Variants in NT5DC3 observed in about 807,000 individuals in gnomAD.
NT5DC3 encodes the protein 5'-nucleotidase domain-containing protein 3.
Under a neutral mutation model 67.8 loss-of-function variants are expected in NT5DC3, and 42 were observed. The ratio of observed to expected loss-of-function variants is 0.62; its 90% CI spans 0.48 to 0.80. The LOEUF is 0.80. Ranked by LOEUF, NT5DC3 falls within the 30% of genes least tolerant of loss-of-function variation. The pLI, the probability that NT5DC3 is intolerant of heterozygous loss-of-function variation, is 0.00. For missense variants in NT5DC3, 570 were observed against 696.4 expected (o/e 0.82, Z 2.04); for synonymous variants, 237 against 255.6 (o/e 0.93, Z 0.69).
At chr12:103,793,737 G>A (rs1399023062) in intron 7 of NT5DC3, among the ~76,000 whole-genome samples, 200 bp downstream of exon 7, 2 of 152,188 alleles carry the variant, frequency 1.3e-5, no homozygotes, top group African/African-American at 4.8e-5. Flanking sequence ...GGCTATAGCT[G>A]CCAGTGCCTC....
chr12:103,819,353 C>T (rs1477492863), intron 1 of NT5DC3, among the ~76,000 whole-genome samples: 1 of 152,252 alleles, frequency 6.6e-6, no homozygotes, highest in African/African-American at 2.4e-5. Flanking sequence ...AAAACAGAAA[C>T]AGTCTGGCTA....
At chr12:103,763,208 G>A in the NT5DC3 span, 5 of 334,712 alleles carry the variant, frequency 1.5e-5, no homozygotes, top group African/African-American at 1.1e-4. Context: ...ACCCTGGGTG[G>A]CAGGCACCAG....
the NT5DC3 span, chr12:103,761,262 G>C: frequency 1.3e-6 from 2 of 1,591,392 alleles, no homozygotes; most frequent in Non-Finnish European, 1.7e-6. Context: ...TGCCCACTCG[G>C]AGAGTAAAAG....
At chr12:103,823,779 T>C (rs1887581218) in intron 1 of NT5DC3, among the ~76,000 whole-genome samples, 1 of 152,242 alleles carries the variant, frequency 6.6e-6, no homozygotes, top group Non-Finnish European at 1.5e-5. Flanking sequence ...GTTTCTACAC[T>C]GAGGCAGTAT....
chr12:103,785,751 T>TAAAAAAAAAA, intron 11 of NT5DC3: 1 of 363,510 alleles, frequency 2.8e-6, no homozygotes, highest in Non-Finnish European at 5.1e-6. Context: ...CCATGGTCTG[T>TAAAAAAAAAA]AAAAAAAAAA....
At chr12:103,769,273 C>T (rs1687276385), downstream of NT5DC3, among the ~76,000 whole-genome samples, 1 of 152,218 alleles carries the variant, frequency 6.6e-6, no homozygotes, top group African/African-American at 2.4e-5. Context: ...GTTCCTGAAA[C>T]TCCTGGGGCA....
chr12:103,785,808 C>A (rs1885747556), intron 11 of NT5DC3: 3 of 466,518 alleles, frequency 6.4e-6, no homozygotes, highest in African/African-American at 4.2e-5. Flanking sequence ...AGGGGCTTGA[C>A]CTAAATGCTA....
chr12:103,840,939 CCTCA>C lies in NT5DC3; in HGVS notation c.208+6_208+9del, dbSNP rs1173364771. 7.4e-7 allele frequency: 1 copy of C among 1,353,084 alleles called. No individual in the cohort carries two copies. Among genetic ancestry groups the C allele is most frequent in the South Asian group, 1.8e-5 (1 of 55,118 alleles). The allele number at this position is 1,353,084 out of a possible 1,614,324, so 83.8% of individuals were successfully genotyped here. ...CCCAGGCGCCGGGGCGGGGTCGCCG[CCTCA>C]CTCACCTTCTGTGCTTCTCTTCGCC... On this transcript the variant is annotated splice_donor_region_variant and intron_variant, in intron 1 of 13. Transcript: ENST00000392876.
chr12:103,752,823 T>C, the NT5DC3 span, among the ~76,000 whole-genome samples: 1 of 152,104 alleles, frequency 6.6e-6, no homozygotes, highest in Non-Finnish European at 1.5e-5. Flanking sequence ...TTAGAGTATA[T>C]ATAACATGAA....
At chr12:103,765,477 A>G (rs1206848353), downstream of NT5DC3, among the ~76,000 whole-genome samples, 4 of 152,202 alleles carry the variant, frequency 2.6e-5, no homozygotes. Context: ...ACCCATGAAA[A>G]GCCATTTCTA....
chr12:103,790,853 C>T (rs1384678473), intron 9 of NT5DC3, among the ~76,000 whole-genome samples: 2 of 151,704 alleles, frequency 1.3e-5, no homozygotes, highest in Non-Finnish European at 2.9e-5. Context: ...CCATGCCGGG[C>T]TAATTTTTTG....
the NT5DC3 span, chr12:103,761,453 G>A: frequency 2.2e-5 from 35 of 1,556,904 alleles, no homozygotes; most frequent in African/African-American, 9.5e-5. Context: ...GAGGAGCCCC[G>A]GTGCCCACTC....
intron 1 of NT5DC3, among the ~76,000 whole-genome samples, chr12:103,840,443 C>CTCCTT (rs1888361005): frequency 9.5e-6 from 1 of 104,752 alleles, no homozygotes. Flanking sequence ...TCCATCCCAT[C>CTCCTT]CCATCCCATC....
chr12:103,750,380 A>G, the NT5DC3 span, among the ~76,000 whole-genome samples: 1 of 152,344 alleles, frequency 6.6e-6, no homozygotes, highest in South Asian at 2.1e-4. Flanking sequence ...TCACATTTGA[A>G]CTGAGATGTA....
chr12:103,759,196 C>T, the NT5DC3 span: 1 of 1,614,174 alleles, frequency 6.2e-7, no homozygotes, highest in African/African-American at 1.3e-5. Flanking sequence ...CTACAATGAC[C>T]TTGTCAATGG....
intron 10 of NT5DC3, 38 bp downstream of exon 10, chr12:103,788,800 A>G (rs372868304): frequency 5.8e-6 from 8 of 1,376,468 alleles, no homozygotes; most frequent in Non-Finnish European, 8.3e-6. Context: ...CCGACCACAA[A>G]GCAAAGCAAC....
downstream of NT5DC3, among the ~76,000 whole-genome samples, chr12:103,768,107 A>T (rs959544554): frequency 3.6e-4 from 54 of 149,452 alleles, no homozygotes; most frequent in Non-Finnish European, 5.9e-4. Flanking sequence ...AAAAAAAAAA[A>T]AATTTAACAC....
rs1885390415 is a variant in NT5DC3, at chr12:103,777,794, C to T, written c.*35G>A. The T allele has an allele frequency of 6.3e-7, 1 of 1,583,796 alleles. No individual in the cohort carries two copies. The highest frequency in any genetic ancestry group is 1.8e-5 in the Admixed American group (1 of 55,928). On this transcript the variant is annotated 3_prime_UTR_variant, in exon 14 of 14. Transcript: ENST00000392876. ...GTCAACCCCATCATGCCTGCCCAAT[C>T]AGGGGCAGTTACAGTTTCTAGTTTT...
the NT5DC3 span, chr12:103,761,358 A>G: frequency 3.7e-6 from 6 of 1,613,888 alleles, no homozygotes; most frequent in East Asian, 2.2e-5. Flanking sequence ...TTTGCCTCCA[A>G]TGGGATCATT....
Sources: allele counts gnomAD v4.1 joint callset (sites outside exome capture counted in the v4.1 genomes callset), GRCh38; gene constraint gnomAD v4.1.1; transcripts MANE v1.5; gene names NCBI Gene and HGNC (gene_info 2026-07-23, HGNC 2026-07-21).